Variants in ANAPC4 observed in about 807,000 individuals in gnomAD.
ANAPC4 encodes the protein anaphase promoting complex subunit 4, also known as anaphase-promoting complex subunit 4.
ANAPC4 carries 63 observed loss-of-function variants against 119.8 expected under a neutral mutation model. The observed-to-expected ratio is 0.53, with a 90% CI of 0.43 to 0.65. The LOEUF (loss-of-function observed/expected upper bound fraction) is 0.65. ANAPC4 is among the 30% of genes least tolerant of loss of function. ANAPC4 has a pLI of 0.00. For synonymous variants in ANAPC4, 283 were observed against 318.6 expected, an observed-to-expected ratio of 0.89 and a Z score of 1.19; for missense variants, 716 against 945.1, an observed-to-expected ratio of 0.76 and a Z score of 3.18.
At chr4:25,408,649 C>T (rs1344772647) in intron 20 of ANAPC4, among the ~76,000 whole-genome samples, 1 of 151,844 alleles carries the variant, frequency 6.6e-6, no homozygotes, top group African/African-American at 2.4e-5. Context: ...GCTACAAGCA[C>T]ACACCACCAT....
intron 4 of ANAPC4, among the ~76,000 whole-genome samples, chr4:25,385,065 A>C (rs1467870188): frequency 6.6e-6 from 1 of 152,242 alleles, no homozygotes; most frequent in East Asian, 1.9e-4. Context: ...TTTATAGAAC[A>C]CAGATGGGAT....
At chr4:25,408,522 C>CA (rs1484348254) in intron 20 of ANAPC4, among the ~76,000 whole-genome samples, 6 of 114,176 alleles carry the variant, frequency 5.3e-5, no homozygotes, top group African/African-American at 1.7e-4. Context: ...TGCAGGTTTT[C>CA]CAAAAAAAAA....
chr4:25,395,006 C>T, intron 14 of ANAPC4, 101 bp downstream of exon 14: 1 of 860,792 alleles, frequency 1.2e-6, no homozygotes, highest in Admixed American at 2.7e-5. Context: ...TCTTTTTAAG[C>T]CTTTTCTAGC....
At chr4:25,402,094 A>G (rs1321193046) in intron 16 of ANAPC4, among the ~76,000 whole-genome samples, 1 of 152,194 alleles carries the variant, frequency 6.6e-6, no homozygotes, top group Non-Finnish European at 1.5e-5. Context: ...TTGACTGCAC[A>G]AAGGAACTTT....
intron 4 of ANAPC4, 108 bp from the exon 5 acceptor site, chr4:25,388,392 T>A: frequency 1.4e-6 from 1 of 727,940 alleles, no homozygotes; most frequent in Non-Finnish European, 2.4e-6. Flanking sequence ...ATCTATTTAC[T>A]TGATAATGTT....
intron 20 of ANAPC4, 133 bp downstream of exon 20, chr4:25,407,386 T>C (rs1486053173): frequency 1.7e-6 from 1 of 597,842 alleles, no homozygotes; most frequent in Non-Finnish European, 2.7e-6. Context: ...AGCAGCAGTT[T>C]TTAAACATTT....
At chr4:25,383,698 T>C (rs9991246) in intron 4 of ANAPC4, among the ~76,000 whole-genome samples, 65,821 of 152,126 alleles carry the variant, frequency 0.43, 15,841 homozygotes, top group Non-Finnish European at 0.53. Flanking sequence ...TATGTTTATA[T>C]TATGCTATAG....
intron 20 of ANAPC4, among the ~76,000 whole-genome samples, chr4:25,408,538 T>A (rs199615234): frequency 1.4e-4 from 7 of 51,728 alleles, no homozygotes; most frequent in Middle Eastern, 0.011. Context: ...AAAAAAAAAA[T>A]TTTTTTTTTT....
intron 7 of ANAPC4, among the ~76,000 whole-genome samples, chr4:25,389,089 C>T (rs1722197473): frequency 6.6e-6 from 1 of 151,908 alleles, no homozygotes; most frequent in South Asian, 2.1e-4. Context: ...TTCCTGGGCA[C>T]AAGCGATTCT....
rs550993688 is a variant in ANAPC4, at chr4:25,412,424, G to A, written c.1526-1221G>A. Reference sequence around the variant, plus strand: ...CTGAAGTTTCCAAACTTCTAATCAAGGCTTGGTCTTTTTGGTGGCCAGCCC... The same window carrying A: ...CTGAAGTTTCCAAACTTCTAATCAAAGCTTGGTCTTTTTGGTGGCCAGCCC... On this transcript the variant is annotated intron_variant, in intron 21 of 28. Transcript: ENST00000315368. Among the ~76,000 whole-genome samples the A allele has an allele frequency of 2.6e-5, 4 of 152,132 alleles. No individual in the cohort carries two copies. In the South Asian group the frequency reaches 8.3e-4, roughly 32 times the overall value.
intron 13 of ANAPC4, 25 bp downstream of exon 13, chr4:25,394,738 C>T (rs1226044625): frequency 6.9e-6 from 11 of 1,603,458 alleles, no homozygotes; most frequent in Non-Finnish European, 9.4e-6. Context: ...TCTATGTATT[C>T]AAATGGCTAT....
chr4:25,391,394 C>T (rs954940963), intron 9 of ANAPC4, among the ~76,000 whole-genome samples: 2 of 152,336 alleles, frequency 1.3e-5, no homozygotes, highest in Non-Finnish European at 2.9e-5. Context: ...TGAATCTTCA[C>T]AGCATCATAA....
Position 25,380,497 on chromosome 4 carries a change from A to G in ANAPC4, c.235+18A>G. 1.3e-6 allele frequency: 2 copies of G among 1,558,490 alleles called. No individual in the cohort carries two copies. The highest frequency in any genetic ancestry group is 1.2e-5 in the South Asian group (1 of 86,560). On this transcript the variant is annotated intron_variant, in intron 3 of 28. Transcript: ENST00000315368. ...TGGCAAACGTAATGATAATATTACAAAAAAAATATGTTTTTATTTTCACAA... is the reference window on the plus strand; with the variant it reads ...TGGCAAACGTAATGATAATATTACAGAAAAAATATGTTTTTATTTTCACAA...
At chr4:25,398,597 T>C (rs1184108659) in intron 16 of ANAPC4, among the ~76,000 whole-genome samples, 1 of 152,108 alleles carries the variant, frequency 6.6e-6, no homozygotes, top group Non-Finnish European at 1.5e-5. Flanking sequence ...ACTTTGGCCT[T>C]TACTCTGGAT....
chr4:25,413,588 A>G, intron 21 of ANAPC4, 57 bp from the exon 22 acceptor site: 1 of 1,351,812 alleles, frequency 7.4e-7, no homozygotes, highest in Non-Finnish European at 1.0e-6. Flanking sequence ...ATTTTCTTCT[A>G]ATTATAAGTT....
chr4:25,388,520 A>C lies in ANAPC4; in HGVS notation c.389A>C (p.Asn130Thr). 9 of 1,599,902 alleles carry C rather than the reference A, an allele frequency of 5.6e-6. No individual in the cohort carries two copies. Among genetic ancestry groups the C allele is most frequent in the African/African-American group, 1.3e-5 (1 of 74,698 alleles). ...VESSVLTSFYNAEDESNLLLP... is the reference protein window; with the variant it reads ...VESSVLTSFYTAEDESNLLLP... ...TTTAGTGTTCTCACATCATTTTATAATGCTGAGGATGAATCAAATCTTCTC... is the reference window on the plus strand; with the variant it reads ...TTTAGTGTTCTCACATCATTTTATACTGCTGAGGATGAATCAAATCTTCTC... Residue 130 changes from asparagine (N) to threonine (T), a missense_variant, in exon 5 of 29, where the codon AAT becomes ACT. Physicochemically the swap from Asn to Thr is moderately conservative, Grantham distance 65. This residue lies in a region of ANAPC4 where 202 missense variants were observed against 293.5 expected (regional missense o/e 0.69). Transcript: ENST00000315368.
chr4:25,414,270 T>A, intron 22 of ANAPC4, 54 bp from the exon 23 acceptor site: 2 of 1,248,104 alleles, frequency 1.6e-6, no homozygotes, highest in South Asian at 2.9e-5. Context: ...TTCTGTAGAG[T>A]ATCTGTGTGC....
intron 12 of ANAPC4, 138 bp from the exon 13 acceptor site, chr4:25,394,533 T>C: frequency 9.5e-7 from 1 of 1,047,710 alleles, no homozygotes; most frequent in South Asian, 1.7e-5. Flanking sequence ...GTATATGTGA[T>C]GTTACATGCG....
chr4:25,418,010 G>A (rs1024930203), intron 28 of ANAPC4, 145 bp from the exon 29 acceptor site: 2 of 913,084 alleles, frequency 2.2e-6, no homozygotes, highest in Admixed American at 5.9e-5. Flanking sequence ...ACAAAATGAA[G>A]GCTGAATTTA....
Sources: gnomAD v4.1 joint callset for allele counts (sites outside exome capture counted in the v4.1 genomes callset) on GRCh38, gnomAD v4.1.1 for gene constraint, gnomAD v4.1.1 regional missense constraint, MANE v1.5 for transcripts, NCBI Gene and HGNC (gene_info 2026-07-23, HGNC 2026-07-21) for gene names.